Variants in FBXL13 observed in about 807,000 individuals in gnomAD.
The protein encoded by FBXL13 is F-box and leucine rich repeat protein 13.
FBXL13 carries 67 observed loss-of-function variants against 83.6 expected under a neutral mutation model. The observed-to-expected ratio is 0.80, with a 90% confidence interval of 0.66 to 0.98. FBXL13 has a LOEUF of 0.98. Among genes scored for constraint, FBXL13 ranks in the 50% least tolerant of loss-of-function variants. The pLI, the probability that FBXL13 is intolerant of heterozygous loss-of-function variation, is 0.00. For missense variants in FBXL13, 822 were observed against 866.5 expected, an observed-to-expected ratio of 0.95 and a Z score of 0.64; for synonymous variants, 272 against 299.5, an observed-to-expected ratio of 0.91 and a Z score of 0.95.
intron 6 of FBXL13, among the ~76,000 whole-genome samples, chr7:103,018,647 A>G (rs1318117280): frequency 2.0e-5 from 3 of 151,308 alleles, no homozygotes; most frequent in African/African-American, 7.2e-5. Context: ...AGCAAATGGA[A>G]AACAAAAAAA....
intron 16 of FBXL13, among the ~76,000 whole-genome samples, chr7:102,856,487 A>G (rs1367080947): frequency 6.6e-6 from 1 of 152,118 alleles, no homozygotes; most frequent in African/African-American, 2.4e-5. Flanking sequence ...TCAAGTTAGA[A>G]TTTTTTAAGA....
chr7:102,820,716 A>G (rs1018056807), intron 19 of FBXL13, among the ~76,000 whole-genome samples: 10 of 152,240 alleles, frequency 6.6e-5, no homozygotes, highest in African/African-American at 2.4e-4. Context: ...ATCCCATGGC[A>G]GGAAAGAAGG....
chr7:102,963,036 C>T (rs1585153043), intron 8 of FBXL13, among the ~76,000 whole-genome samples: 2 of 148,352 alleles, frequency 1.3e-5, no homozygotes, highest in South Asian at 4.2e-4. Context: ...GACCAAGAAC[C>T]AGCCGGGCAC....
At chr7:102,889,558 C>T (rs1158421970) in intron 11 of FBXL13, among the ~76,000 whole-genome samples, 1 of 152,064 alleles carries the variant, frequency 6.6e-6, no homozygotes, top group Admixed American at 6.6e-5. Context: ...CTATCCCTCC[C>T]CCAGTCCCCC....
intron 10 of FBXL13, among the ~76,000 whole-genome samples, chr7:102,916,668 A>C (rs1237637264): frequency 6.6e-6 from 1 of 152,158 alleles, no homozygotes; most frequent in Non-Finnish European, 1.5e-5. Context: ...TGTCCCCTAC[A>C]TGAGTAAGAT....
At chr7:102,885,822 C>T (rs1176733397) in intron 11 of FBXL13, among the ~76,000 whole-genome samples, 1 of 152,114 alleles carries the variant, frequency 6.6e-6, no homozygotes, top group African/African-American at 2.4e-5. Context: ...GGTCCAACTT[C>T]ACTTTTTTTT....
At chr7:102,831,431 A>ACACCCCC (rs1033135095) in intron 18 of FBXL13, among the ~76,000 whole-genome samples, 3 of 147,126 alleles carry the variant, frequency 2.0e-5, no homozygotes, top group African/African-American at 7.5e-5. Flanking sequence ...ACACACACAC[A>ACACCCCC]CCCCACTACA....
At chr7:102,922,126 G>T (rs531455772) in intron 10 of FBXL13, among the ~76,000 whole-genome samples, 2 of 151,876 alleles carry the variant, frequency 1.3e-5, no homozygotes, top group South Asian at 4.2e-4. Flanking sequence ...CGAGGCGGAG[G>T]TTGCAGTGAG....
At chr7:103,011,155 C>G (rs1312277260) in intron 6 of FBXL13, among the ~76,000 whole-genome samples, 4 of 152,212 alleles carry the variant, frequency 2.6e-5, no homozygotes, top group African/African-American at 9.6e-5. Context: ...TACCTCCAAA[C>G]AATTGCCCTA....
intron 16 of FBXL13, 77 bp downstream of exon 17, chr7:102,877,390 T>C: frequency 1.7e-6 from 2 of 1,186,354 alleles, no homozygotes; most frequent in Non-Finnish European, 2.3e-6. Context: ...TATTGTTCTC[T>C]CCATTATTTA....
chr7:103,013,261 G>C (rs1490101103), intron 6 of FBXL13, among the ~76,000 whole-genome samples: 1 of 152,170 alleles, frequency 6.6e-6, no homozygotes, highest in Non-Finnish European at 1.5e-5. Context: ...TTCAGGACCT[G>C]AACTCAATGC....
chr7:103,037,045 C>T (rs1401060077), intron 2 of FBXL13, among the ~76,000 whole-genome samples: 1 of 152,096 alleles, frequency 6.6e-6, no homozygotes, highest in Non-Finnish European at 1.5e-5. Context: ...CCTAAAATGC[C>T]ATAAATAGCA....
chr7:103,072,020 T>G (rs924361121), intron 1 of FBXL13, among the ~76,000 whole-genome samples: 1 of 151,712 alleles, frequency 6.6e-6, no homozygotes, highest in African/African-American at 2.4e-5. Context: ...CTGTCTCGAC[T>G]AAAAATACAA....
intron 16 of FBXL13, among the ~76,000 whole-genome samples, chr7:102,861,274 A>ATC (rs1221036161): frequency 2.6e-5 from 4 of 152,158 alleles, no homozygotes; most frequent in Admixed American, 6.5e-5. Flanking sequence ...GGATTTGGTT[A>ATC]TCATGTCTTT....
chr7:102,942,622 T>C (rs996907927), intron 8 of FBXL13, among the ~76,000 whole-genome samples: 1 of 152,184 alleles, frequency 6.6e-6, no homozygotes, highest in Non-Finnish European at 1.5e-5. Flanking sequence ...GTGAGATCAC[T>C]GACTCACAGA....
rs1280087389 is a variant in FBXL13 at position 103,001,780 on chromosome 7, G to T, written c.495+23283C>A. Among the ~76,000 whole-genome samples, 5 of 152,156 alleles carry T rather than the reference G, an allele frequency of 3.3e-5. No individual in the cohort carries two copies. In the East Asian group the frequency reaches 9.6e-4, roughly 29 times the overall value. ...CGGGAATTTCACCAGTGGCTTCCTG[G>T]GGGCTCTTGGGCCTTTGGCCACAGA... On this transcript the variant is annotated intron_variant, in intron 6 of 19. Transcript: ENST00000313221.
intron 14 of FBXL13, among the ~76,000 whole-genome samples, chr7:102,882,280 G>T (rs568820805): frequency 1.3e-5 from 2 of 152,094 alleles, no homozygotes; most frequent in African/African-American, 4.8e-5. Flanking sequence ...ATAAATAAAA[G>T]ATTTTGTGTA....
rs115039841 is a variant in FBXL13, at chr7:102,873,593, C to T, written c.1635+3874G>A. ...TATCTGTCTAGCAGATAGAAGTGAG[C>T]TTTTCGGAATATAAATCTGACCATG... is the stretch of plus-strand genomic sequence containing the variant. On this transcript the variant is annotated intron_variant, in intron 16 of 19. Coordinates refer to ENST00000313221, the Ensembl canonical transcript of FBXL13. Among the ~76,000 whole-genome samples, 564 of 152,284 alleles carry T rather than the reference C, an allele frequency of 3.7e-3. 5 individuals are homozygous for T. Among genetic ancestry groups the T allele is most frequent in the African/African-American group, 0.013 (557 of 41,554 alleles).
chr7:102,944,522 A>G (rs1822098816), intron 8 of FBXL13: 1 of 1,613,952 alleles, frequency 6.2e-7, no homozygotes, highest in Non-Finnish European at 8.5e-7. Flanking sequence ...TCATTTGACC[A>G]AGACACAGAA....
Sources: allele counts gnomAD v4.1 joint callset (sites outside exome capture counted in the v4.1 genomes callset), GRCh38; gene constraint gnomAD v4.1.1; transcripts MANE v1.5; gene names NCBI Gene and HGNC (gene_info 2026-07-23, HGNC 2026-07-21).